PPP2R2D: variants seen among roughly 807,000 people sequenced by gnomAD.
The protein encoded by PPP2R2D is protein phosphatase 2 regulatory subunit Bdelta, also known as serine/threonine-protein phosphatase 2A 55 kDa regulatory subunit B delta isoform.
A neutral mutation model predicts 31.1 loss-of-function variants in PPP2R2D; 9 were observed. The observed-to-expected ratio is 0.29, with a 90% confidence interval of 0.17 to 0.51. The LOEUF is 0.51. Among genes scored for constraint, PPP2R2D ranks in the 20% least tolerant of loss-of-function variants. The probability of loss-of-function intolerance (pLI) is 0.98; values close to 1 mark genes in which losing one functional copy is unlikely to be tolerated. For missense variants in PPP2R2D, 391 were observed against 465.6 expected (o/e 0.84, Z 1.48); for synonymous variants, 179 against 172.6 (o/e 1.04, Z -0.29).
intron 2 of PPP2R2D, among the ~76,000 whole-genome samples, chr10:131,927,715 G>A (rs566546834): frequency 2.6e-5 from 4 of 152,328 alleles, no homozygotes; most frequent in African/African-American, 9.6e-5. Flanking sequence ...TGTGGTATAA[G>A]TGGAATTGCA....
chr10:131,962,920 T>C (rs531360179), downstream of PPP2R2D, among the ~76,000 whole-genome samples: 126 of 152,302 alleles, frequency 8.3e-4, no homozygotes, highest in African/African-American at 2.8e-3. Context: ...ATCCCAGCAC[T>C]TTGGGAAGCT....
chr10:131,966,969 C>T, the PPP2R2D span: 1 of 151,390 alleles, frequency 6.6e-6, no homozygotes, highest in African/African-American at 2.4e-5. Context: ...CAACCTCTGC[C>T]TTCTGGGTTC....
chr10:131,950,873 G>A (rs909195475), intron 8 of PPP2R2D, among the ~76,000 whole-genome samples: 1 of 152,150 alleles, frequency 6.6e-6, no homozygotes, highest in Admixed American at 6.5e-5. Flanking sequence ...GCTTCTTTAA[G>A]AAGGCCCCAA....
chr10:131,915,001 T>C lies in PPP2R2D; in HGVS notation c.100+13671T>C, dbSNP rs562625266. Among the ~76,000 whole-genome samples the C allele has an allele frequency of 6.6e-5, 10 of 152,284 alleles. No homozygotes were observed. The South Asian group carries it at 2.1e-3, about 32-fold the overall frequency. The stretch of plus-strand genomic sequence containing the variant: ...ACCCCTAATAGTGACTCAGCACTGC[T>C]TAGCACCCCACCTTCTGTTGTGCTC... On this transcript the variant is annotated intron_variant, in intron 2 of 8. Coordinates refer to ENST00000455566, the MANE Select transcript of PPP2R2D (RefSeq NM_018461.5).
chr10:131,909,508 T>G (rs2035649083), intron 2 of PPP2R2D, among the ~76,000 whole-genome samples: 1 of 152,230 alleles, frequency 6.6e-6, no homozygotes, highest in South Asian at 2.1e-4. Flanking sequence ...TCTTAGACTT[T>G]CAGGCCATCC....
intron 8 of PPP2R2D, among the ~76,000 whole-genome samples, chr10:131,954,566 A>G (rs1172263118): frequency 6.6e-6 from 1 of 150,848 alleles, no homozygotes; most frequent in Non-Finnish European, 1.5e-5. Flanking sequence ...GGGCTCCTGG[A>G]TGGAAGCAGG....
At chr10:131,929,696 C>T (rs1554895417) in intron 2 of PPP2R2D, among the ~76,000 whole-genome samples, 1 of 152,084 alleles carries the variant, frequency 6.6e-6, no homozygotes, top group East Asian at 1.9e-4. Context: ...GGCTGTGCTC[C>T]GTGCCTCCCT....
At chr10:131,930,483 G>T (rs745667045) in intron 2 of PPP2R2D, among the ~76,000 whole-genome samples, 9 of 152,142 alleles carry the variant, frequency 5.9e-5, no homozygotes, top group Non-Finnish European at 2.9e-5. Context: ...TGTTTGTTTT[G>T]GCTCTTTGCA....
chr10:131,951,488 A>G (rs1412706388), intron 8 of PPP2R2D, among the ~76,000 whole-genome samples: 1 of 152,254 alleles, frequency 6.6e-6, no homozygotes, highest in African/African-American at 2.4e-5. Flanking sequence ...GCAATGACAT[A>G]CAACATGTTT....
At chr10:131,919,159 T>A (rs1296891800) in intron 2 of PPP2R2D, among the ~76,000 whole-genome samples, 1 of 95,308 alleles carries the variant, frequency 1.0e-5, no homozygotes, top group Non-Finnish European at 2.1e-5. Context: ...AGTGTAGGGA[T>A]CTCACGTGGG....
intron 3 of PPP2R2D, among the ~76,000 whole-genome samples, chr10:131,938,140 A>G (rs1482978129): frequency 6.6e-6 from 1 of 152,208 alleles, no homozygotes; most frequent in African/African-American, 2.4e-5. Context: ...GGTGGAAGGA[A>G]TGCCCTGCAC....
In PPP2R2D at chr10:131,947,831, C is replaced by T. The variant is rs782184502; in HGVS notation, c.1082+40C>T. The stretch of plus-strand genomic sequence containing the variant: ...GAGATGAGCTGTCGCCCCAAGCTTG[C>T]TGGTTTCCGAGAGTGCAAGGTCAGT... On this transcript the variant is annotated intron_variant, in intron 8 of 8. Transcript: ENST00000455566. This position sits in a 1 kb window ranked among gnomAD's most constrained non-coding sequence, Gnocchi z 4.3. 9 of 1,598,246 alleles carry T rather than the reference C, an allele frequency of 5.6e-6. No individual in the cohort carries two copies. The South Asian group carries it at 6.7e-5, about 12-fold the overall frequency.
intron 2 of PPP2R2D, among the ~76,000 whole-genome samples, chr10:131,910,308 T>C (rs2035663010): frequency 2.6e-5 from 4 of 151,942 alleles, no homozygotes; most frequent in Non-Finnish European, 5.9e-5. Flanking sequence ...TTTTTCTAAA[T>C]GTTAACACAT....
intron 4 of PPP2R2D, 146 bp from the exon 5 acceptor site, chr10:131,940,436 C>T (rs961190267): frequency 2.0e-5 from 12 of 603,080 alleles, no homozygotes; most frequent in African/African-American, 1.5e-4. Flanking sequence ...TACAAAACAC[C>T]TCCAATTGGA....
At chr10:131,954,582 G>A (rs1190970915) in intron 8 of PPP2R2D, among the ~76,000 whole-genome samples, 1 of 152,174 alleles carries the variant, frequency 6.6e-6, no homozygotes, top group Non-Finnish European at 1.5e-5. Flanking sequence ...GCAGGAGATG[G>A]GAAATAAACA....
rs371127355 is a variant in PPP2R2D, at chr10:131,944,244, T to A, written c.655+99T>A. 109 of 974,686 alleles carry A rather than the reference T, an allele frequency of 1.1e-4. No individual in the cohort carries two copies. In the African/African-American group the frequency reaches 1.6e-3, roughly 14 times the overall value. 60.4% of individuals were successfully genotyped at this position (974,686 alleles called of 1,614,324 possible). On this transcript the variant is annotated intron_variant, in intron 6 of 8. Transcript: ENST00000455566. ...TACACCTGTATCTCGGAGTCTAGTCTTGTAAATACCATCACTGCACAGCAG... is the reference window on the plus strand; with the variant it reads ...TACACCTGTATCTCGGAGTCTAGTCATGTAAATACCATCACTGCACAGCAG...
downstream of PPP2R2D, among the ~76,000 whole-genome samples, chr10:131,961,503 CCACAG>C: frequency 6.6e-6 from 1 of 152,316 alleles, no homozygotes; most frequent in South Asian, 2.1e-4. Flanking sequence ...GACGCACACA[CCACAG>C]CACCCGGCTG....
At chr10:131,961,951 C>T (rs948400293), downstream of PPP2R2D, among the ~76,000 whole-genome samples, 3 of 152,204 alleles carry the variant, frequency 2.0e-5, no homozygotes, top group Admixed American at 1.3e-4. Flanking sequence ...TAAACACACC[C>T]CTGTGCCAGT....
chr10:131,971,117 G>A, the PPP2R2D span: 1 of 733,432 alleles, frequency 1.4e-6, no homozygotes, highest in Non-Finnish European at 2.2e-6. Context: ...TCCAAGGGGA[G>A]TCCTGGGGCT....
Sources: allele counts gnomAD v4.1 joint callset (sites outside exome capture counted in the v4.1 genomes callset), GRCh38; gene constraint gnomAD v4.1.1; non-coding constraint Gnocchi (gnomAD v3.1); transcripts MANE v1.5; gene names NCBI Gene and HGNC (gene_info 2026-07-23, HGNC 2026-07-21).